IGSF9B: variants seen among roughly 807,000 people sequenced by gnomAD.
The protein encoded by IGSF9B is protein turtle homolog B.
A neutral mutation model predicts 143.7 loss-of-function variants in IGSF9B; 48 were observed. The observed-to-expected ratio is 0.33, with a 90% CI of 0.26 to 0.42. The LOEUF is 0.42. IGSF9B is among the 20% of genes least tolerant of loss of function. The pLI is 1.00. For synonymous variants in IGSF9B, 903 were observed against 833.1 expected, an observed-to-expected ratio of 1.08 and a Z score of -1.44; for missense variants, 1,706 against 1,980.0, an observed-to-expected ratio of 0.86 and a Z score of 2.63.
At position 133,945,162 on chromosome 11, in the gene IGSF9B, G is replaced by A. The variant is rs1374893115; in HGVS notation, c.263-796C>T. On this transcript the variant is annotated intron_variant, in intron 2 of 19. Coordinates refer to ENST00000533871, the MANE Select transcript of IGSF9B (RefSeq NM_001277285.4). The surrounding 1 kb of genome is among the most constrained non-coding windows in gnomAD (Gnocchi z 4.6). The stretch of plus-strand genomic sequence containing the variant: ...ACGCCAGCAGGGTGGAGCAGCCCTC[G>A]AGGTCGGCCCACCTCACCCGCTCTT... Among the ~76,000 whole-genome samples, 3 of 152,126 alleles carry A rather than the reference G, an allele frequency of 2.0e-5. No homozygotes were observed. Among genetic ancestry groups the A allele is most frequent in the Admixed American group, 6.5e-5 (1 of 15,272 alleles).
chr11:133,922,168 G>C lies in IGSF9B; in HGVS notation c.2327+9C>G. ...ACAGCACAATTCTCCCAGGATCTGA[G>C]ACACTTACGGAGACTCCAGGCTCTT... On this transcript the variant is annotated intron_variant, in intron 17 of 19. Coordinates refer to ENST00000533871, the MANE Select transcript of IGSF9B (RefSeq NM_001277285.4). 1 of 1,612,178 alleles carries C rather than the reference G, an allele frequency of 6.2e-7. No individual in the cohort carries two copies. The highest frequency in any genetic ancestry group is 1.1e-5 in the South Asian group (1 of 90,736).
At chr11:133,926,154 G>C (rs981134784) in intron 13 of IGSF9B, among the ~76,000 whole-genome samples, 189 bp from the exon 14 acceptor site, 1 of 152,234 alleles carries the variant, frequency 6.6e-6, no homozygotes, top group East Asian at 1.9e-4. Flanking sequence ...ACTGCAAAAG[G>C]GAAGAGAAAT....
chr11:133,912,126 C>A (rs963470399), intron 18 of IGSF9B, 119 bp from the exon 19 acceptor site: 3 of 1,183,040 alleles, frequency 2.5e-6, no homozygotes, highest in East Asian at 2.6e-5. Context: ...TCCTACAGAG[C>A]CCAAGGTGCC....
chr11:133,935,194 G>A (rs950795234), intron 7 of IGSF9B, among the ~76,000 whole-genome samples: 2 of 152,216 alleles, frequency 1.3e-5, no homozygotes, highest in Non-Finnish European at 2.9e-5. Flanking sequence ...TGGAAAGGCA[G>A]GGAGTAAGGC....
Position 133,901,810 on chromosome 11 carries a change from ACACAC to A in IGSF9B, c.*7254_*7258del, listed in dbSNP as rs1260063493. 8.7e-5 allele frequency among the ~76,000 whole-genome samples: 13 copies of A among 150,036 alleles called. No homozygotes were observed. The highest frequency in any genetic ancestry group is 2.7e-4 in the Admixed American group (4 of 15,032). On this transcript the variant is annotated 3_prime_UTR_variant, in exon 20 of 20. Transcript: ENST00000533871. ...CTCTCACACACACCACACACAACAG[ACACAC>A]CACACCACACACACAAACACACACA...
At chr11:133,919,126 G>GC in intron 18 of IGSF9B, 1 of 362,534 alleles carries the variant, frequency 2.8e-6, no homozygotes, top group Non-Finnish European at 5.6e-6. Flanking sequence ...TACGGGGGGG[G>GC]GGTGGGGGAC....
At chr11:133,940,013 G>A (rs1420201202) in intron 3 of IGSF9B, among the ~76,000 whole-genome samples, 18 of 141,276 alleles carry the variant, frequency 1.3e-4, no homozygotes, top group Non-Finnish European at 1.2e-4. Flanking sequence ...CATCGCACGC[G>A]TCATCACATG....
At chr11:133,947,718 C>CTCTCTCTCTCTCTCTA (rs1940080136) in intron 1 of IGSF9B, among the ~76,000 whole-genome samples, 1 of 150,470 alleles carries the variant, frequency 6.6e-6, no homozygotes, top group Non-Finnish European at 1.5e-5. Flanking sequence ...TTCTCTCTCT[C>CTCTCTCTCTCTCTCTA]TCTCTCTCTC....
chr11:133,923,155 C>T (rs1056545748), intron 15 of IGSF9B, among the ~76,000 whole-genome samples: 7 of 152,234 alleles, frequency 4.6e-5, no homozygotes, highest in African/African-American at 7.2e-5. Context: ...GACCCGCTTA[C>T]GTGGATATTG....
chr11:133,924,694 A>G (rs993884625), intron 15 of IGSF9B, 126 bp downstream of exon 15: 4 of 757,564 alleles, frequency 5.3e-6, no homozygotes, highest in Non-Finnish European at 9.0e-6. Context: ...ACGCAGCTGC[A>G]ACCAGGCACT....
At chr11:133,930,893 G>A in intron 11 of IGSF9B, 91 bp downstream of exon 11, 1 of 1,299,090 alleles carries the variant, frequency 7.7e-7, no homozygotes, top group Non-Finnish European at 1.1e-6. Flanking sequence ...GAGTGCAGCG[G>A]CCACCAGGGG....
chr11:133,904,996 T>A lies in IGSF9B; in HGVS notation c.*4073A>T, dbSNP rs937402097. On this transcript the variant is annotated 3_prime_UTR_variant, in exon 20 of 20. Transcript: ENST00000533871. ...AAGAAGATACCCAGGCAGGGCTGGGTTAGAAGCCCCGGTGGGAATGTGCAC... is the reference window on the plus strand; with the variant it reads ...AAGAAGATACCCAGGCAGGGCTGGGATAGAAGCCCCGGTGGGAATGTGCAC... Among the ~76,000 whole-genome samples, 2 of 149,400 alleles carry A rather than the reference T, an allele frequency of 1.3e-5. No homozygotes were observed. Among genetic ancestry groups the A allele is most frequent in the Non-Finnish European group, 3.0e-5 (2 of 67,604 alleles).
chr11:133,906,550 C>T lies in IGSF9B; in HGVS notation c.*2519G>A, dbSNP rs1040929946. On this transcript the variant is annotated 3_prime_UTR_variant, in exon 20 of 20. Transcript: ENST00000533871. Reference sequence around the variant, plus strand: ...TACGTGCTGAGGTCATGGGCACTGCCAGAGGAAGCGGAGGAGGAGTCAGCA... The same window carrying T: ...TACGTGCTGAGGTCATGGGCACTGCTAGAGGAAGCGGAGGAGGAGTCAGCA... Among the ~76,000 whole-genome samples the T allele has an allele frequency of 2.0e-5, 3 of 152,224 alleles. No homozygotes were observed. The highest frequency in any genetic ancestry group is 7.2e-5 in the African/African-American group (3 of 41,470).
In IGSF9B at chr11:133,901,775, G is replaced by C. The variant is rs890429212; in HGVS notation, c.*7294C>G. Among the ~76,000 whole-genome samples, 1 of 150,664 alleles carries C rather than the reference G, an allele frequency of 6.6e-6. No individual in the cohort carries two copies. Among genetic ancestry groups the C allele is most frequent in the Non-Finnish European group, 1.5e-5 (1 of 67,668 alleles). On this transcript the variant is annotated 3_prime_UTR_variant, in exon 20 of 20. Transcript: ENST00000533871. Reference sequence around the variant, plus strand: ...ACTACGCAGGCAAATCAGCATGTCTGTACAAATCTCTCTCACACACACCAC... The same window carrying C: ...ACTACGCAGGCAAATCAGCATGTCTCTACAAATCTCTCTCACACACACCAC...
At position 133,935,642 on chromosome 11, in the gene IGSF9B, G is replaced by A. The variant is rs367829938; in HGVS notation, c.942C>T (p.Ser314=). The change falls in exon 7 of 20, where the codon TCC becomes TCT. Residue 314 remains serine, a synonymous_variant. Transcript: ENST00000533871. ...VPSNSLGRSP[S]ASAYLTVQYP... ...ACTGCACGGTCAGGTACGCCGAGGCGGAGGGGGAGCGCCCCAGGCTGTTGC... is the reference window on the plus strand; with the variant it reads ...ACTGCACGGTCAGGTACGCCGAGGCAGAGGGGGAGCGCCCCAGGCTGTTGC... 6.8e-5 allele frequency: 110 copies of A among 1,610,618 alleles called. No individual in the cohort carries two copies. The highest frequency in any genetic ancestry group is 1.7e-4 in the South Asian group (15 of 90,120).
chr11:133,920,849 C>G lies in IGSF9B; in HGVS notation c.2876G>C (p.Arg959Pro), dbSNP rs745569337. The part of the protein sequence containing the change: ...ATGQARPPAP[R>P]PFHHGQYYGY... ...ATAATACTGGCCATGGTGGAAGGGC[C>G]GGGGGGCAGGGGGCCGGGCCTGGCC... The change falls in exon 18 of 20, where the codon CGG becomes CCG. Residue 959 changes from arginine to proline, a missense_variant. Arg to Pro is a moderately radical substitution (Grantham distance 103, BLOSUM62 -2). This residue lies in a region of IGSF9B where 880 missense variants were observed against 762.9 expected (regional missense o/e 1.15). Coordinates refer to ENST00000533871, the MANE Select transcript of IGSF9B (RefSeq NM_001277285.4). The G allele has an allele frequency of 6.3e-7, 1 of 1,599,224 alleles. No individual in the cohort carries two copies. Among genetic ancestry groups the G allele is most frequent in the Admixed American group, 1.7e-5 (1 of 58,824 alleles).
At chr11:133,912,418 G>A in intron 18 of IGSF9B, 1 of 456,762 alleles carries the variant, frequency 2.2e-6, no homozygotes, top group African/African-American at 2.0e-5. Context: ...GCATATTAGA[G>A]CAGGGGGCAA....
intron 19 of IGSF9B, 49 bp downstream of exon 19, chr11:133,911,837 C>T (rs536463151): frequency 1.3e-5 from 19 of 1,458,564 alleles, no homozygotes; most frequent in South Asian, 2.8e-5. Context: ...CTCCTGACAA[C>T]GGCAAGGCAA....
chr11:133,930,820 G>A (rs1286603392), intron 11 of IGSF9B, among the ~76,000 whole-genome samples, 164 bp downstream of exon 11: 1 of 152,038 alleles, frequency 6.6e-6, no homozygotes, highest in Non-Finnish European at 1.5e-5. Flanking sequence ...GCCCACGGGG[G>A]CAAAGGCTGC....
Sources: gnomAD v4.1 joint callset for allele counts (sites outside exome capture counted in the v4.1 genomes callset) on GRCh38, gnomAD v4.1.1 for gene constraint, gnomAD v4.1.1 regional missense constraint, Gnocchi (gnomAD v3.1) non-coding constraint, MANE v1.5 for transcripts, NCBI Gene and HGNC (gene_info 2026-07-23, HGNC 2026-07-21) for gene names.